Variants in TNS1 observed in about 807,000 individuals in gnomAD.
TNS1 encodes tensin 1, also known as tensin-1.
TNS1 carries 62 observed loss-of-function variants against 168.6 expected under a neutral mutation model. The observed-to-expected ratio is 0.37, with a 90% CI of 0.30 to 0.45. TNS1 has a LOEUF of 0.45. TNS1 is among the 20% of genes least tolerant of loss of function. The probability of loss-of-function intolerance (pLI) is 1.00; values close to 1 mark genes in which losing one functional copy is unlikely to be tolerated. For synonymous variants in TNS1, 934 were observed against 933.2 expected, an observed-to-expected ratio of 1.00 and a Z score of -0.02; for missense variants, 2,240 against 2,339.4, an observed-to-expected ratio of 0.96 and a Z score of 0.88.
chr2:217,939,462 G>T (rs529430330), intron 3 of TNS1, among the ~76,000 whole-genome samples: 1 of 152,362 alleles, frequency 6.6e-6, no homozygotes, highest in Admixed American at 6.5e-5. Context: ...CAAGGAGCTT[G>T]TAATCCATCC....
chr2:217,942,895 CT>C (rs559844851), intron 3 of TNS1, among the ~76,000 whole-genome samples: 4 of 152,288 alleles, frequency 2.6e-5, no homozygotes, highest in East Asian at 1.9e-4. Flanking sequence ...CGGGTCCCCC[CT>C]ATCACCCCCA....
intron 3 of TNS1, 21 bp downstream of exon 3, chr2:217,978,744 C>T (rs1199248815): frequency 2.8e-6 from 2 of 702,114 alleles, no homozygotes; most frequent in Non-Finnish European, 5.2e-6. Context: ...CTCCCGGGCC[C>T]GCCAGCCCGC....
At chr2:217,908,859 C>T (rs1172777201) in intron 4 of TNS1, among the ~76,000 whole-genome samples, 1 of 152,120 alleles carries the variant, frequency 6.6e-6, no homozygotes, top group Non-Finnish European at 1.5e-5. Context: ...CCACTATCCT[C>T]CCTGCTGCTA....
Position 217,848,269 on chromosome 2 carries a change from C to T in TNS1, c.2248G>A (p.Ala750Thr). 6.5e-7 allele frequency: 1 copy of T among 1,550,342 alleles called. No homozygotes were observed. Among genetic ancestry groups the T allele is most frequent in the Non-Finnish European group, 8.7e-7 (1 of 1,147,868 alleles). Reference sequence around the variant, plus strand: ...GGAGCTGGGGGCAGCTGGGGTTCAGCTTCCGAAAAGGATTGAGAGCGGAAC... The same window carrying T: ...GGAGCTGGGGGCAGCTGGGGTTCAGTTTCCGAAAAGGATTGAGAGCGGAAC... ...GMFRSQSFSEAEPQLPPAPVR... is the reference protein window; with the variant it reads ...GMFRSQSFSETEPQLPPAPVR... Residue 750 changes from alanine to threonine, a missense_variant, in exon 19 of 33, where the codon GCT becomes ACT. By Grantham distance (58) the Ala-to-Thr change is moderately conservative. Coordinates refer to ENST00000682258, the MANE Select transcript of TNS1 (RefSeq NM_001387777.1).
upstream of TNS1, among the ~76,000 whole-genome samples, chr2:218,015,203 A>C (rs1285723986): frequency 6.6e-6 from 1 of 152,054 alleles, no homozygotes; most frequent in Admixed American, 6.5e-5. Flanking sequence ...ACATGAGGAC[A>C]CTGAGGCCCA....
chr2:217,866,682 C>G (rs1191512911), intron 18 of TNS1, among the ~76,000 whole-genome samples: 2 of 152,148 alleles, frequency 1.3e-5, no homozygotes, highest in East Asian at 1.9e-4. Context: ...TTAGCTAGTC[C>G]GCAGCCTCTC....
intron 18 of TNS1, among the ~76,000 whole-genome samples, chr2:217,854,772 G>C (rs1457178564): frequency 6.6e-6 from 1 of 152,186 alleles, no homozygotes; most frequent in Non-Finnish European, 1.5e-5. Flanking sequence ...AGAGGCTATG[G>C]CTGGGGCAGG....
intron 1 of TNS1, 49 bp downstream of exon 1, chr2:218,002,791 C>T (rs1559408967): frequency 8.8e-6 from 4 of 456,090 alleles, no homozygotes; most frequent in Middle Eastern, 3.3e-4. Context: ...CGGTGGGGGG[C>T]GGGGGGTTTG....
intron 1 of TNS1, among the ~76,000 whole-genome samples, chr2:218,015,646 C>T (rs922148278): frequency 9.2e-5 from 14 of 152,174 alleles, no homozygotes; most frequent in Non-Finnish European, 1.6e-4. Context: ...CCCATCCCAC[C>T]CCCACCCCCC....
chr2:217,868,993 G>T (rs146965788), intron 18 of TNS1, among the ~76,000 whole-genome samples: 2 of 152,354 alleles, frequency 1.3e-5, no homozygotes, highest in Non-Finnish European at 2.9e-5. Context: ...GAAGAAAGGA[G>T]ATTTATAGGG....
intron 6 of TNS1, chr2:217,901,694 G>T (rs1952998187): frequency 6.6e-6 from 1 of 152,216 alleles, no homozygotes; most frequent in South Asian, 2.1e-4. Context: ...AGAAACTGAG[G>T]CACAGAATAA....
intron 8 of TNS1, among the ~76,000 whole-genome samples, chr2:217,895,497 C>T (rs547711784): frequency 1.3e-5 from 2 of 152,302 alleles, no homozygotes; most frequent in African/African-American, 4.8e-5. Flanking sequence ...TGCCTCTCAC[C>T]ACACCGAACG....
chr2:217,926,085 G>A (rs960907602), intron 3 of TNS1, among the ~76,000 whole-genome samples: 2 of 152,240 alleles, frequency 1.3e-5, no homozygotes, highest in Admixed American at 6.5e-5. Context: ...TAGAGGAAAC[G>A]AGGGCACAGA....
intron 9 of TNS1, 116 bp downstream of exon 9, chr2:217,894,890 C>T (rs943261681): frequency 1.0e-5 from 10 of 987,820 alleles, no homozygotes; most frequent in South Asian, 2.8e-5. Context: ...AGATATAAGT[C>T]GGCACTCTGA....
chr2:217,909,571 CCACA>C (rs3054350), intron 4 of TNS1, among the ~76,000 whole-genome samples: 6,708 of 147,248 alleles, frequency 0.046, 390 homozygotes, highest in African/African-American at 0.14. Context: ...GCCTGGGTGC[CCACA>C]CACACACACA....
chr2:217,924,430 T>A (rs554922991), intron 3 of TNS1, among the ~76,000 whole-genome samples: 2 of 152,196 alleles, frequency 1.3e-5, no homozygotes, highest in Admixed American at 1.3e-4. Flanking sequence ...TTGTCTATAA[T>A]CTGTTTCCTC....
At position 217,810,299 on chromosome 2, in the gene TNS1, C is replaced by G. The variant is rs1050037392; in HGVS notation, c.5053G>C (p.Asp1685His). Reference protein sequence around the residue: ...PNRDPTDESKDSSGPANSTAD... With the variant: ...PNRDPTDESKHSSGPANSTAD... ...GTTGAGTTGGCAGGGCCGGAGCTATCTTTCGATTCATCTGTGGGGTCTAAG... is the reference window on the plus strand; with the variant it reads ...GTTGAGTTGGCAGGGCCGGAGCTATGTTTCGATTCATCTGTGGGGTCTAAG... The change falls in exon 29 of 33, where the codon GAT becomes CAT. Residue 1685 changes from aspartate to histidine, a missense_variant. Asp to His is a moderately conservative substitution (Grantham distance 81). This residue lies in a region of TNS1 where 2,131 missense variants were observed against 2,171.2 expected (regional missense o/e 0.98). Coordinates refer to ENST00000682258, the MANE Select transcript of TNS1 (RefSeq NM_001387777.1). The G allele has an allele frequency of 6.2e-7, 1 of 1,614,056 alleles. No homozygotes were observed. Among genetic ancestry groups the G allele is most frequent in the Non-Finnish European group, 8.5e-7 (1 of 1,180,046 alleles).
At chr2:217,843,092 G>A (rs1322356968) in intron 19 of TNS1, among the ~76,000 whole-genome samples, 1 of 150,924 alleles carries the variant, frequency 6.6e-6, no homozygotes, top group Non-Finnish European at 1.5e-5. Context: ...TCGAATGATT[G>A]AATGAGCCTT....
At chr2:217,927,173 A>C (rs1275331198) in intron 3 of TNS1, among the ~76,000 whole-genome samples, 1 of 152,194 alleles carries the variant, frequency 6.6e-6, no homozygotes, top group African/African-American at 2.4e-5. Context: ...TAAGGTTTTG[A>C]AAGGTAGAGA....
Sources: allele counts gnomAD v4.1 joint callset (sites outside exome capture counted in the v4.1 genomes callset), GRCh38; gene constraint gnomAD v4.1.1; regional missense constraint gnomAD v4.1.1; transcripts MANE v1.5; gene names NCBI Gene and HGNC (gene_info 2026-07-23, HGNC 2026-07-21).